Variants in SPINK2 observed in about 807,000 individuals in gnomAD.
SPINK2 encodes serine protease inhibitor Kazal-type 2.
In SPINK2, 8 loss-of-function variants were observed where a neutral mutation model predicts 13.5. The observed-to-expected ratio is 0.59, with a 90% CI of 0.35 to 1.07. The LOEUF is 1.07. SPINK2 is among the 50% of genes least tolerant of loss of function. The pLI, the probability that SPINK2 is intolerant of heterozygous loss-of-function variation, is 0.02. For missense variants in SPINK2, 148 were observed against 180.3 expected (o/e 0.82, Z 1.03); for synonymous variants, 76 against 74.7 (o/e 1.02, Z -0.09).
chr4:56,819,155 T>C lies in SPINK2; in HGVS notation c.249+1381A>G, dbSNP rs75128131. 7.2e-3 allele frequency among the ~76,000 whole-genome samples: 1,102 copies of C among 152,268 alleles called. 20 individuals are homozygous for C. Among genetic ancestry groups the C allele is most frequent in the African/African-American group, 0.024 (1,007 of 41,550 alleles). ...AAGCATTTAGAACACTGGTGTGGCA[T>C]GTAGGTATCTAAGTATTTATTATTA... On this transcript the variant is annotated intron_variant, in intron 2 of 3. Coordinates refer to ENST00000506738, the MANE Select transcript of SPINK2 (RefSeq NM_001271718.2).
intron 2 of SPINK2, among the ~76,000 whole-genome samples, chr4:56,819,883 G>A (rs560472150): frequency 4.7e-4 from 71 of 152,254 alleles, no homozygotes; most frequent in African/African-American, 1.6e-3. Context: ...CCAAAGCACT[G>A]GGATTACAGG....
At chr4:56,810,610 G>A (rs745776159) in intron 3 of SPINK2, 10 of 169,518 alleles carry the variant, frequency 5.9e-5, no homozygotes, top group Non-Finnish European at 1.1e-4. Context: ...AGGCTGAAGT[G>A]GGTGGATCAC....
chr4:56,811,444 C>T (rs1383972800), intron 3 of SPINK2, among the ~76,000 whole-genome samples: 2 of 152,152 alleles, frequency 1.3e-5, no homozygotes. Context: ...CATGGTGAAA[C>T]CCTGTCTCTA....
At chr4:56,814,822 A>G (rs1056746559) in intron 2 of SPINK2, among the ~76,000 whole-genome samples, 26 of 151,834 alleles carry the variant, frequency 1.7e-4, no homozygotes, top group African/African-American at 6.3e-4. Flanking sequence ...TTAGCCAGAC[A>G]TGGTGGTGGG....
intron 2 of SPINK2, among the ~76,000 whole-genome samples, chr4:56,819,625 T>C (rs2109449745): frequency 6.6e-6 from 1 of 151,562 alleles, no homozygotes; most frequent in African/African-American, 2.4e-5. Context: ...TTTCTTTTTT[T>C]TTTTTTTTGA....
intron 1 of SPINK2, among the ~76,000 whole-genome samples, chr4:56,820,904 C>T (rs1717885407): frequency 6.6e-6 from 1 of 152,180 alleles, no homozygotes; most frequent in African/African-American, 2.4e-5. Context: ...TTTATGGCAC[C>T]TCTCCCCAAA....
At chr4:56,817,387 A>C (rs2109442131) in intron 2 of SPINK2, among the ~76,000 whole-genome samples, 1 of 152,354 alleles carries the variant, frequency 6.6e-6, no homozygotes, top group African/African-American at 2.4e-5. Context: ...ATACAGGTTC[A>C]ATGGAATCCC....
rs933466404 is a variant in SPINK2, at chr4:56,821,506, C to T, written c.157G>A (p.Asp53Asn). The change falls in exon 1 of 4, where the codon GAC becomes AAC. Residue 53 changes from aspartate (D) to asparagine (N), a missense_variant. Asp to Asn is a conservative substitution (Grantham distance 23). Transcript: ENST00000506738. ...CCAGTAACGGGCGCGCGGGTACCGTCGCCGAGGCCGCCCGGAGCAGGGCAG... is the reference window on the plus strand; with the variant it reads ...CCAGTAACGGGCGCGCGGGTACCGTTGCCGAGGCCGCCCGGAGCAGGGCAG... ...GPCPAPGGLGDGTRAPVTGGS... is the reference protein window; with the variant it reads ...GPCPAPGGLGNGTRAPVTGGS... The T allele has an allele frequency of 1.3e-6, 2 of 1,539,994 alleles. No individual in the cohort carries two copies. Among genetic ancestry groups the T allele is most frequent in the Admixed American group, 2.0e-5 (1 of 50,614 alleles).
chr4:56,816,894 A>G (rs1339054092), intron 2 of SPINK2, among the ~76,000 whole-genome samples: 1 of 150,988 alleles, frequency 6.6e-6, no homozygotes, highest in African/African-American at 2.4e-5. Flanking sequence ...AAAAAATAAA[A>G]TAAAATAAAA....
intron 1 of SPINK2, among the ~76,000 whole-genome samples, chr4:56,821,119 CA>C (rs1429507780): frequency 6.6e-6 from 1 of 152,220 alleles, no homozygotes; most frequent in Non-Finnish European, 1.5e-5. Context: ...ATTAATAGTT[CA>C]TGATGTTATT....
intron 2 of SPINK2, among the ~76,000 whole-genome samples, chr4:56,812,776 A>G (rs970124753): frequency 8.5e-5 from 13 of 152,116 alleles, no homozygotes; most frequent in Non-Finnish European, 1.8e-4. Context: ...TAATCTTTCA[A>G]TCTGAACTTT....
chr4:56,821,748 G>A (rs1004815282), upstream of SPINK2: 10 of 1,327,708 alleles, frequency 7.5e-6, no homozygotes, highest in Non-Finnish European at 9.8e-6. Context: ...GCGCGGGGAG[G>A]GCGGGGGAAG....
At chr4:56,815,547 A>C (rs1482381314) in intron 2 of SPINK2, among the ~76,000 whole-genome samples, 1 of 151,932 alleles carries the variant, frequency 6.6e-6, no homozygotes, top group African/African-American at 2.4e-5. Flanking sequence ...TAAAAATGCA[A>C]AAATTAGCCA....
intron 2 of SPINK2, among the ~76,000 whole-genome samples, chr4:56,813,986 C>T (rs888103794): frequency 4.2e-5 from 6 of 144,302 alleles, no homozygotes; most frequent in African/African-American, 1.3e-4. Flanking sequence ...TGCAGTGGCG[C>T]GATCTTGGCT....
chr4:56,821,732 G>T, upstream of SPINK2: 2 of 1,348,162 alleles, frequency 1.5e-6, no homozygotes, highest in Non-Finnish European at 9.4e-7. Flanking sequence ...GCGCTCGTGC[G>T]ACGGGGCGCG....
chr4:56,810,252 T>A (rs1716868797), intron 3 of SPINK2, 68 bp from the exon 4 acceptor site: 1 of 1,333,072 alleles, frequency 7.5e-7, no homozygotes, highest in South Asian at 1.3e-5. Flanking sequence ...ATTATTTGTG[T>A]TAAAAAGACC....
chr4:56,811,674 AAT>A lies in SPINK2; in HGVS notation c.359+9_359+10del. 1 of 1,570,790 alleles carries A rather than the reference AAT, an allele frequency of 6.4e-7. No individual in the cohort carries two copies. Among genetic ancestry groups the A allele is most frequent in the Non-Finnish European group, 8.7e-7 (1 of 1,151,698 alleles). On this transcript the variant is annotated intron_variant, in intron 3 of 3. Transcript: ENST00000506738. Reference sequence around the variant, plus strand: ...AAACTTGGCTAGTCTACAGCTGTAAAATCATGTTACCTGATTTTCATGCACAG... The same window carrying A: ...AAACTTGGCTAGTCTACAGCTGTAAACATGTTACCTGATTTTCATGCACAG...
chr4:56,814,506 G>A, intron 2 of SPINK2, among the ~76,000 whole-genome samples: 1 of 152,010 alleles, frequency 6.6e-6, no homozygotes, highest in Non-Finnish European at 1.5e-5. Context: ...AAATACACAT[G>A]CTGGTCTTGA....
chr4:56,818,715 G>C (rs1026877583), intron 2 of SPINK2, among the ~76,000 whole-genome samples: 1 of 152,084 alleles, frequency 6.6e-6, no homozygotes, highest in Non-Finnish European at 1.5e-5. Context: ...CCTCCTGAGC[G>C]TGAGTGCCTT....
Sources: gnomAD v4.1 joint callset for allele counts (sites outside exome capture counted in the v4.1 genomes callset) on GRCh38, gnomAD v4.1.1 for gene constraint, MANE v1.5 for transcripts, NCBI Gene and HGNC (gene_info 2026-07-23, HGNC 2026-07-21) for gene names.